Variants in USB1 observed in about 807,000 individuals in gnomAD.
USB1 encodes the protein U6 snRNA biogenesis phosphodiesterase 1.
A neutral mutation model predicts 29.9 loss-of-function variants in USB1; 21 were observed. That is an observed-to-expected ratio of 0.70 (90% CI 0.50 to 1.01). The LOEUF is 1.01. USB1 is among the 50% of genes least tolerant of loss of function. The pLI, the probability that USB1 is intolerant of heterozygous loss-of-function variation, is 0.00. For synonymous variants in USB1, 143 were observed against 134.9 expected, an observed-to-expected ratio of 1.06 and a Z score of -0.42; for missense variants, 330 against 347.1, an observed-to-expected ratio of 0.95 and a Z score of 0.39.
chr16:58,005,235 C>T (rs8047399), intron 2 of USB1, among the ~76,000 whole-genome samples: 3,361 of 152,224 alleles, frequency 0.022, 142 homozygotes, highest in African/African-American at 0.076. Context: ...TAACTGCGGG[C>T]GGGCCTAACT....
intron 3 of USB1, 137 bp from the exon 4 acceptor site, chr16:58,014,136 C>A: frequency 1.4e-6 from 1 of 724,638 alleles, no homozygotes; most frequent in Admixed American, 2.3e-5. Context: ...CAGTATACCA[C>A]CTGCATAATG....
Position 58,002,603 on chromosome 16 carries a change from C to T in USB1, c.223C>T (p.Pro75Ser), listed in dbSNP as rs1224260136. The T allele has an allele frequency of 1.2e-6, 2 of 1,613,910 alleles. No individual in the cohort carries two copies. The highest frequency in any genetic ancestry group is 2.7e-5 in the African/African-American group (2 of 74,916). The change falls in exon 2 of 7, where the codon CCC (proline) becomes TCC (serine). Residue 75 changes from proline (P) to serine (S), a missense_variant. Physicochemically the swap from Pro to Ser is moderately conservative, Grantham distance 74. Coordinates refer to ENST00000219281, the MANE Select transcript of USB1 (RefSeq NM_024598.4). ...TKHGGRVRTFPHERGNWATHV... is the reference protein window; with the variant it reads ...TKHGGRVRTFSHERGNWATHV... ...ACACGGGGGACGGGTGCGCACCTTC[C>T]CCCACGAGCGAGGCAACTGGGCCAC...
chr16:58,001,663 G>T (rs1963198768), intron 1 of USB1, 82 bp downstream of exon 1: 1 of 1,475,682 alleles, frequency 6.8e-7, no homozygotes, highest in Non-Finnish European at 9.3e-7. Flanking sequence ...GGGGTGGAGT[G>T]GGGAGGGAGG....
intron 5 of USB1, 93 bp from the exon 6 acceptor site, chr16:58,018,879 G>A (rs1963678051): frequency 7.9e-7 from 1 of 1,265,882 alleles, no homozygotes; most frequent in East Asian, 2.4e-5. Context: ...GGATCCAGCA[G>A]GGATGTCACG....
Position 58,004,786 on chromosome 16 carries a change from T to G in USB1, c.265+2141T>G, listed in dbSNP as rs141803132. 4.6e-3 allele frequency among the ~76,000 whole-genome samples: 693 copies of G among 152,304 alleles called. 8 individuals are homozygous for G. Among genetic ancestry groups the G allele is most frequent in the African/African-American group, 0.016 (646 of 41,558 alleles). On this transcript the variant is annotated intron_variant, in intron 2 of 6. Transcript: ENST00000219281. Reference sequence around the variant, plus strand: ...CCACTGGGTCGGTGGGTTTTCTCCCTGTGTGCGGAGACGAGAGATTGTAGA... The same window carrying G: ...CCACTGGGTCGGTGGGTTTTCTCCCGGTGTGCGGAGACGAGAGATTGTAGA...
intron 4 of USB1, 60 bp downstream of exon 4, chr16:58,014,386 T>C (rs1232006889): frequency 6.8e-7 from 1 of 1,466,076 alleles, no homozygotes; most frequent in Non-Finnish European, 9.6e-7. Context: ...AAAAATTGAG[T>C]GCTTTGTTTC....
At chr16:58,019,585 C>T (rs1009902444) in intron 6 of USB1, among the ~76,000 whole-genome samples, 1 of 152,248 alleles carries the variant, frequency 6.6e-6, no homozygotes, top group Non-Finnish European at 1.5e-5. Context: ...AAGTGGTAAG[C>T]GGCGGCTGAT....
chr16:58,011,880 G>A (rs1042891260), intron 3 of USB1: 48 of 997,570 alleles, frequency 4.8e-5, no homozygotes, highest in East Asian at 1.1e-4. Context: ...GTCATGGTGC[G>A]GGAATGAGGG....
intron 2 of USB1, among the ~76,000 whole-genome samples, chr16:58,008,702 C>T (rs1180716284): frequency 1.3e-5 from 2 of 151,886 alleles, no homozygotes; most frequent in East Asian, 3.8e-4. Flanking sequence ...ATCCACCTGC[C>T]TCTGCCTCCC....
intron 4 of USB1, among the ~76,000 whole-genome samples, chr16:58,014,796 G>T (rs1567422271): frequency 6.6e-6 from 1 of 151,386 alleles, no homozygotes. Flanking sequence ...AAAATAAAAG[G>T]CCAGGTGCGG....
intron 1 of USB1, 38 bp downstream of exon 1, chr16:58,001,619 T>C: frequency 6.4e-7 from 1 of 1,571,438 alleles, no homozygotes; most frequent in Non-Finnish European, 8.6e-7. Context: ...GGCGCGCGCA[T>C]TCACCCTAGA....
intron 4 of USB1, 115 bp downstream of exon 4, chr16:58,014,441 T>C: frequency 1.1e-6 from 1 of 905,672 alleles, no homozygotes; most frequent in Non-Finnish European, 1.8e-6. Context: ...ACCAACTCTA[T>C]GACTATAAAG....
chr16:58,001,538 G>C lies in USB1; in HGVS notation c.55G>C (p.Glu19Gln), dbSNP rs1046389186. 6 of 1,609,522 alleles carry C rather than the reference G, an allele frequency of 3.7e-6. No homozygotes were observed. Among genetic ancestry groups the C allele is most frequent in the Non-Finnish European group, 4.2e-6 (5 of 1,178,486 alleles). The stretch of plus-strand genomic sequence containing the variant: ...CAGCAGCGGCTCCGAGGATGAGTCC[G>C]AGGACGGGATGCGGACCAGGCCGGG... ...YSSSGSEDES[E>Q]DGMRTRPGDG... Residue 19 changes from glutamate (E) to glutamine (Q), a missense_variant, in exon 1 of 7, where the codon GAG becomes CAG. Transcript: ENST00000219281.
chr16:58,012,438 G>T (rs1273448275), intron 3 of USB1: 3 of 1,240,954 alleles, frequency 2.4e-6, no homozygotes, highest in African/African-American at 1.5e-5. Flanking sequence ...AGTGGACCGG[G>T]GTGACAAGAT....
Position 58,017,513 on chromosome 16 carries a change from G to A in USB1, c.609+74G>A, listed in dbSNP as rs187706052. Reference sequence around the variant, plus strand: ...TAAAACTGTCTTTAAAGAAGCCCTCGTAAGAGGCAAACCGAAGACCCTTCA... The same window carrying A: ...TAAAACTGTCTTTAAAGAAGCCCTCATAAGAGGCAAACCGAAGACCCTTCA... On this transcript the variant is annotated intron_variant, in intron 5 of 6. Transcript: ENST00000219281. 9.6e-4 allele frequency: 1,347 copies of A among 1,405,648 alleles called. 3 individuals carry two copies. Among genetic ancestry groups the A allele is most frequent in the Admixed American group, 1.5e-3 (84 of 54,318 alleles). 87.1% of individuals were successfully genotyped at this position (1,405,648 alleles called of 1,614,324 possible).
At chr16:58,004,666 G>T (rs1963309904) in intron 2 of USB1, among the ~76,000 whole-genome samples, 1 of 152,188 alleles carries the variant, frequency 6.6e-6, no homozygotes, top group Non-Finnish European at 1.5e-5. Context: ...GACTGGGATT[G>T]TATTGAATCT....
At chr16:58,010,971 CT>C (rs1963479527) in intron 3 of USB1, 1 of 700,986 alleles carries the variant, frequency 1.4e-6, no homozygotes, top group African/African-American at 1.7e-5. Flanking sequence ...GGGGGTGGGG[CT>C]GAAAGTTCCC....
chr16:58,001,296 G>A (rs960695427), upstream of USB1: 20 of 696,138 alleles, frequency 2.9e-5, no homozygotes, highest in East Asian at 1.1e-4. Context: ...TGCGCAGCCG[G>A]CAGACAGCTT....
Position 58,001,410 on chromosome 16 carries a change from T to G in USB1, c.-74T>G. On this transcript the variant is annotated 5_prime_UTR_variant, in exon 1 of 7. Transcript: ENST00000219281. ...CAGGCCCCGCCCCTGGGAGGGCGCT[T>G]CCGGCACAGCGGAACTCCGGGTGCC... 1 of 1,531,602 alleles carries G rather than the reference T, an allele frequency of 6.5e-7. No individual in the cohort carries two copies. Among genetic ancestry groups the G allele is most frequent in the East Asian group, 2.4e-5 (1 of 40,884 alleles). 94.9% of individuals were successfully genotyped at this position (1,531,602 alleles called of 1,614,324 possible).
Sources: allele counts gnomAD v4.1 joint callset (sites outside exome capture counted in the v4.1 genomes callset), GRCh38; gene constraint gnomAD v4.1.1; transcripts MANE v1.5; gene names NCBI Gene and HGNC (gene_info 2026-07-23, HGNC 2026-07-21).